POFUT3: variants seen among roughly 807,000 people sequenced by gnomAD.
POFUT3 encodes GDP-fucose protein O-fucosyltransferase 3.
At chr8:33,449,763 T>G in the POFUT3 span, among the ~76,000 whole-genome samples, 1 of 152,120 alleles carries the variant, frequency 6.6e-6, no homozygotes, top group East Asian at 1.9e-4. Context: ...CCAACCACTC[T>G]GCTTGATGTA....
At chr8:33,364,281 A>G in the POFUT3 span, among the ~76,000 whole-genome samples, 3 of 152,318 alleles carry the variant, frequency 2.0e-5, no homozygotes, top group Admixed American at 2.0e-4. Context: ...TCAAAATAAT[A>G]AGAGCTATTT....
the POFUT3 span, among the ~76,000 whole-genome samples, chr8:33,402,923 C>T: frequency 0.26 from 39,241 of 151,200 alleles, 5,650 homozygotes; most frequent in East Asian, 0.46. Flanking sequence ...CAGCCAGGTG[C>T]GGTGGTGTGT....
the POFUT3 span, among the ~76,000 whole-genome samples, chr8:33,311,010 G>A: frequency 6.6e-6 from 1 of 152,162 alleles, no homozygotes; most frequent in Non-Finnish European, 1.5e-5. Context: ...CAAAGCATTC[G>A]CTTTATCTTG....
At chr8:33,459,614 G>T in the POFUT3 span, among the ~76,000 whole-genome samples, 2 of 150,806 alleles carry the variant, frequency 1.3e-5, no homozygotes, top group Non-Finnish European at 2.9e-5. Flanking sequence ...CTGCACTCCA[G>T]CCTGGGTGAC....
the POFUT3 span, among the ~76,000 whole-genome samples, chr8:33,349,719 T>C: frequency 6.6e-6 from 1 of 152,198 alleles, no homozygotes. Flanking sequence ...ATTTTTGCAA[T>C]TGTGAATTGT....
chr8:33,389,205 CAAG>C, the POFUT3 span: 1 of 1,613,894 alleles, frequency 6.2e-7, no homozygotes, highest in South Asian at 1.1e-5. Flanking sequence ...AATTCTGATA[CAAG>C]AATAGCACTT....
At chr8:33,395,200 C>T in the POFUT3 span, among the ~76,000 whole-genome samples, 1 of 152,106 alleles carries the variant, frequency 6.6e-6, no homozygotes, top group East Asian at 1.9e-4. Context: ...AAGCCTGGAC[C>T]CTCGGCCCTA....
the POFUT3 span, among the ~76,000 whole-genome samples, chr8:33,456,083 G>A: frequency 3.3e-5 from 5 of 152,146 alleles, no homozygotes; most frequent in Admixed American, 1.3e-4. Context: ...TTTTTATGAT[G>A]GAACAATGTG....
chr8:33,366,958 C>T, the POFUT3 span, among the ~76,000 whole-genome samples: 6 of 152,098 alleles, frequency 3.9e-5, no homozygotes, highest in African/African-American at 1.4e-4. Flanking sequence ...AAAAGACATG[C>T]ACTGGCCGAA....
At chr8:33,469,705 T>C in the POFUT3 span, among the ~76,000 whole-genome samples, 1 of 152,064 alleles carries the variant, frequency 6.6e-6, no homozygotes, top group Non-Finnish European at 1.5e-5. Context: ...TGGATCTACT[T>C]GATGTAGAAA....
chr8:33,320,347 A>T, the POFUT3 span, among the ~76,000 whole-genome samples: 1 of 152,064 alleles, frequency 6.6e-6, no homozygotes, highest in Admixed American at 6.6e-5. Flanking sequence ...AACTAGCCTA[A>T]GAGAGTTTAT....
chr8:33,407,808 G>A, the POFUT3 span, among the ~76,000 whole-genome samples: 19 of 151,568 alleles, frequency 1.3e-4, no homozygotes, highest in Admixed American at 1.1e-3. Flanking sequence ...TTTGAGACCA[G>A]CCTGGGCAAC....
the POFUT3 span, among the ~76,000 whole-genome samples, chr8:33,340,567 A>G: frequency 1.3e-5 from 2 of 152,134 alleles, no homozygotes; most frequent in African/African-American, 4.8e-5. Flanking sequence ...ATATAGGTAA[A>G]TAGGATATAA....
the POFUT3 span, chr8:33,372,916 G>T: frequency 1.1e-6 from 1 of 934,848 alleles, no homozygotes; most frequent in Non-Finnish European, 1.6e-6. Context: ...GAGCTAAAGG[G>T]GAAAGAAAGC....
chr8:33,410,440 G>T, the POFUT3 span, among the ~76,000 whole-genome samples: 1 of 152,158 alleles, frequency 6.6e-6, no homozygotes. Context: ...CCCCGAGATA[G>T]GAGTGTAGCA....
At chr8:33,368,913 G>A in the POFUT3 span, among the ~76,000 whole-genome samples, 1 of 152,124 alleles carries the variant, frequency 6.6e-6, no homozygotes, top group Non-Finnish European at 1.5e-5. Flanking sequence ...CTCAGTCCTT[G>A]GTTTTAATAC....
At chr8:33,457,076 T>C in the POFUT3 span, among the ~76,000 whole-genome samples, 181 of 152,108 alleles carry the variant, frequency 1.2e-3, no homozygotes, top group African/African-American at 4.2e-3. Flanking sequence ...GCCAAACCTT[T>C]TAAGAGTGAA....
the POFUT3 span, chr8:33,371,376 A>G: frequency 6.6e-6 from 1 of 152,194 alleles, no homozygotes; most frequent in African/African-American, 2.4e-5. Context: ...CACCAAGGGC[A>G]CAGCCTTCAA....
the POFUT3 span, among the ~76,000 whole-genome samples, chr8:33,332,287 CTG>C: frequency 3.3e-5 from 5 of 150,904 alleles, no homozygotes; most frequent in African/African-American, 1.2e-4. Context: ...AGTTCGAGAC[CTG>C]CCTGGCCAAC....
Sources: gnomAD v4.1 joint callset for allele counts (sites outside exome capture counted in the v4.1 genomes callset) on GRCh38, gnomAD v4.1.1 for gene constraint, MANE v1.5 for transcripts, NCBI Gene and HGNC (gene_info 2026-07-23, HGNC 2026-07-21) for gene names.